The following PIK3C3 variants were observed in gnomAD, a reference collection of about 807,000 sequenced individuals.
The protein encoded by PIK3C3 is phosphatidylinositol 3-kinase catalytic subunit type 3, also known as PI3-kinase type 3.
Under a neutral mutation model 126.1 loss-of-function variants are expected in PIK3C3, and 95 were observed. That is an observed-to-expected ratio of 0.75 (90% confidence interval 0.64 to 0.89). The LOEUF is 0.89. Ranked by LOEUF, PIK3C3 falls within the 40% of genes least tolerant of loss-of-function variation. The pLI, the probability that PIK3C3 is intolerant of heterozygous loss-of-function variation, is 0.00. For synonymous variants in PIK3C3, 374 were observed against 360.0 expected (o/e 1.04, Z -0.44); for missense variants, 829 against 1,063.2 (o/e 0.78, Z 3.06).
intron 24 of PIK3C3, 51 bp from the exon 25 acceptor site, chr18:42,081,072 G>A: frequency 9.5e-7 from 1 of 1,058,152 alleles, no homozygotes; most frequent in African/African-American, 1.6e-5. Context: ...GTTTATCTTT[G>A]TGAATAATTA....
At chr18:41,965,823 G>C (rs1980333607) in intron 3 of PIK3C3, among the ~76,000 whole-genome samples, 1 of 152,144 alleles carries the variant, frequency 6.6e-6, no homozygotes, top group Non-Finnish European at 1.5e-5. Flanking sequence ...CGTGCCTAAA[G>C]ACAAATCAGT....
chr18:42,010,553 A>T (rs1982775150), intron 10 of PIK3C3, among the ~76,000 whole-genome samples: 2 of 152,028 alleles, frequency 1.3e-5, no homozygotes, highest in Non-Finnish European at 2.9e-5. Context: ...TTTAGTAGAG[A>T]CAGGGTTTCG....
chr18:41,957,377 T>C (rs919008155), intron 1 of PIK3C3, among the ~76,000 whole-genome samples, 193 bp from the exon 2 acceptor site: 2 of 152,162 alleles, frequency 1.3e-5, no homozygotes, highest in Admixed American at 6.5e-5. Flanking sequence ...CCTTATCATA[T>C]ATAAAAATGA....
In PIK3C3 at chr18:42,008,029, G is replaced by A. The variant is rs552064536; in HGVS notation, c.1170+3488G>A. On this transcript the variant is annotated intron_variant, in intron 10 of 24. Coordinates refer to ENST00000262039, the MANE Select transcript of PIK3C3 (RefSeq NM_002647.4). ...ATGGCTTCTATATATTATCAAACAC[G>A]CTTTTGACACTCGTTCATATCATAT... is the stretch of plus-strand genomic sequence containing the variant. 1.0e-3 allele frequency among the ~76,000 whole-genome samples: 157 copies of A among 152,102 alleles called. 1 individual carries two copies. Among genetic ancestry groups the A allele is most frequent in the African/African-American group, 3.7e-3 (154 of 41,518 alleles).
At chr18:41,986,255 T>A (rs1413804854) in intron 4 of PIK3C3, among the ~76,000 whole-genome samples, 1 of 152,158 alleles carries the variant, frequency 6.6e-6, no homozygotes, top group Non-Finnish European at 1.5e-5. Flanking sequence ...TGTAAATAAA[T>A]GTTATTTTTT....
chr18:42,066,184 A>G (rs921881711), intron 23 of PIK3C3, among the ~76,000 whole-genome samples: 3 of 152,040 alleles, frequency 2.0e-5, no homozygotes, highest in African/African-American at 7.2e-5. Context: ...TCCTCCACCA[A>G]ATTGTTCTTG....
In PIK3C3 at chr18:41,996,803, A is replaced by G. The variant is rs1982047456; in HGVS notation, c.984+73A>G. ...GTTATTAATGATCAAGATGAGGAAA[A>G]TGCCATGGAAATTGTTATTGTCACT... On this transcript the variant is annotated intron_variant, in intron 9 of 24. Transcript: ENST00000262039. 5 of 783,896 alleles carry G rather than the reference A, an allele frequency of 6.4e-6. No homozygotes were observed. In the South Asian group the frequency reaches 7.2e-5, roughly 11 times the overall value. 48.6% of individuals were successfully genotyped at this position (783,896 alleles called of 1,614,324 possible).
rs780243332 is a variant in PIK3C3 at position 41,970,414 on chromosome 18, A to G, written c.489A>G (p.Thr163=). 1.3e-5 allele frequency: 21 copies of G among 1,613,910 alleles called. No individual in the cohort carries two copies. In the African/African-American group the frequency reaches 2.8e-4, roughly 22 times the overall value. Residue 163 remains threonine (T), a synonymous_variant, in exon 4 of 25, where the codon ACA becomes ACG. Transcript: ENST00000262039. The stretch of plus-strand genomic sequence containing the variant: ...AACCCACAAAAACTCCTGGCAGAAC[A>G]AGTAGCACTCTCTCAGAAGATCAGA... The part of the protein sequence containing the change: ...GSEPTKTPGR[T]SSTLSEDQMS...
At chr18:42,037,125 A>G (rs996342837) in intron 16 of PIK3C3, among the ~76,000 whole-genome samples, 2 of 152,220 alleles carry the variant, frequency 1.3e-5, no homozygotes, top group African/African-American at 4.8e-5. Flanking sequence ...AAAATCCCAA[A>G]CATTTGCAAG....
At chr18:41,965,259 T>C (rs983331715) in intron 3 of PIK3C3, among the ~76,000 whole-genome samples, 2 of 152,182 alleles carry the variant, frequency 1.3e-5, no homozygotes, top group Non-Finnish European at 2.9e-5. Flanking sequence ...CAACAGGAGG[T>C]TCCCTCATAA....
At chr18:42,029,242 G>T in intron 14 of PIK3C3, 83 bp from the exon 15 acceptor site, 1 of 790,232 alleles carries the variant, frequency 1.3e-6, no homozygotes. Context: ...TGAGAAATAT[G>T]AATAAGGATT....
intron 13 of PIK3C3, among the ~76,000 whole-genome samples, chr18:42,021,913 T>C (rs1340975866): frequency 6.6e-6 from 1 of 152,208 alleles, no homozygotes; most frequent in Non-Finnish European, 1.5e-5. Context: ...TCTAAGCATT[T>C]TGGCTAAGAA....
chr18:42,034,633 C>G (rs983022853), intron 16 of PIK3C3, among the ~76,000 whole-genome samples: 1 of 152,130 alleles, frequency 6.6e-6, no homozygotes, highest in African/African-American at 2.4e-5. Flanking sequence ...GCCACCAGTT[C>G]AGGTAGAAAC....
In PIK3C3 at chr18:42,083,094, G is replaced by T. The variant is rs1323808407; in HGVS notation, c.*1957G>T. 1 of 152,140 alleles carries T rather than the reference G, an allele frequency of 6.6e-6. No individual in the cohort carries two copies. Among genetic ancestry groups the T allele is most frequent in the East Asian group, 1.9e-4 (1 of 5,180 alleles). 9.4% of individuals were successfully genotyped at this position (152,140 alleles called of 1,614,324 possible). On this transcript the variant is annotated 3_prime_UTR_variant, in exon 25 of 25. Coordinates refer to ENST00000262039, the MANE Select transcript of PIK3C3 (RefSeq NM_002647.4). ...TCTCAGGAGGGTAAACAGTAGCTGTGGTTTTGCTGAGAGATTTTGGCTGTG... is the reference window on the plus strand; with the variant it reads ...TCTCAGGAGGGTAAACAGTAGCTGTTGTTTTGCTGAGAGATTTTGGCTGTG...
At chr18:42,001,739 GT>G (rs1982301402) in intron 9 of PIK3C3, among the ~76,000 whole-genome samples, 1 of 152,052 alleles carries the variant, frequency 6.6e-6, no homozygotes, top group Non-Finnish European at 1.5e-5. Flanking sequence ...GTTTTAGATT[GT>G]TTCAGTTATT....
intron 13 of PIK3C3, among the ~76,000 whole-genome samples, chr18:42,023,053 G>A (rs1384907446): frequency 6.6e-6 from 1 of 151,968 alleles, no homozygotes; most frequent in Non-Finnish European, 1.5e-5. Context: ...AAGCTTCTTA[G>A]GTATTTTTAA....
In PIK3C3 at chr18:41,971,931, A is replaced by G. The variant is rs1033131453; in HGVS notation, c.531+1475A>G. On this transcript the variant is annotated intron_variant, in intron 4 of 24. Transcript: ENST00000262039. ...TGTTTCTCTGTTAAACACATTATTT[A>G]GGCTTCTGTTCACCTAAAAAGTTAG... Among the ~76,000 whole-genome samples the G allele has an allele frequency of 3.3e-5, 5 of 152,124 alleles. No individual in the cohort carries two copies. In the South Asian group the frequency reaches 1.0e-3, roughly 32 times the overall value.
At chr18:41,993,706 T>TA (rs1418409165) in intron 7 of PIK3C3, among the ~76,000 whole-genome samples, 1 of 152,088 alleles carries the variant, frequency 6.6e-6, no homozygotes, top group Non-Finnish European at 1.5e-5. Context: ...ATTTGCCTGT[T>TA]ACAGGAGGAT....
At chr18:42,004,134 A>C (rs1982424554) in intron 9 of PIK3C3, among the ~76,000 whole-genome samples, 1 of 152,206 alleles carries the variant, frequency 6.6e-6, no homozygotes, top group Admixed American at 6.5e-5. Context: ...AGTGCTCGCA[A>C]ATGATTTGGC....
Sources: gnomAD v4.1 joint callset for allele counts (sites outside exome capture counted in the v4.1 genomes callset) on GRCh38, gnomAD v4.1.1 for gene constraint, MANE v1.5 for transcripts, NCBI Gene and HGNC (gene_info 2026-07-23, HGNC 2026-07-21) for gene names.